Variants in MYH13 observed in about 807,000 individuals in gnomAD.
MYH13 encodes myosin-13.
In MYH13, 177 loss-of-function variants were observed where a neutral mutation model predicts 232.1. The ratio of observed to expected loss-of-function variants is 0.76; its 90% CI spans 0.67 to 0.86. The LOEUF is 0.86. Among genes scored for constraint, MYH13 ranks in the 40% least tolerant of loss-of-function variants. MYH13 has a pLI of 0.00. For missense variants in MYH13, 2,246 were observed against 2,405.9 expected (o/e 0.93, Z 1.39); for synonymous variants, 884 against 923.5 (o/e 0.96, Z 0.78).
rs1043539831 is a variant in MYH13, at chr17:10,309,166, C to T, written c.5169+68G>A. 3.4e-6 allele frequency: 5 copies of T among 1,491,718 alleles called. No individual in the cohort carries two copies. The Admixed American group carries it at 6.0e-5, about 18-fold the overall frequency. The allele number at this position is 1,491,718 out of a possible 1,614,324, so 92.4% of individuals were successfully genotyped here. On this transcript the variant is annotated intron_variant, in intron 35 of 40. Transcript: ENST00000252172. The stretch of plus-strand genomic sequence containing the variant: ...CTGAGTGGAGGGATAGCGGAAGCAG[C>T]TGCACGGTGCAGGAGGCGCTATCTG...
intron 18 of MYH13, among the ~76,000 whole-genome samples, chr17:10,335,811 G>C (rs974929645): frequency 6.6e-6 from 1 of 152,136 alleles, no homozygotes; most frequent in Admixed American, 6.6e-5. Context: ...GGTGAAAGCA[G>C]GCATGATTAA....
rs568052949 is a variant in MYH13, at chr17:10,323,967, G to C, written c.2934+55C>G. On this transcript the variant is annotated intron_variant, in intron 23 of 40. Coordinates refer to ENST00000252172, the MANE Select transcript of MYH13 (RefSeq NM_003802.3). Reference sequence around the variant, plus strand: ...TACGCCACCCTTTCTCCTCCTTACAGAGAGAGAGAGTGAAGCCTGTTAAGA... The same window carrying C: ...TACGCCACCCTTTCTCCTCCTTACACAGAGAGAGAGTGAAGCCTGTTAAGA... 3.2e-6 allele frequency: 5 copies of C among 1,564,512 alleles called. No individual in the cohort carries two copies. In the South Asian group the frequency reaches 4.7e-5, roughly 15 times the overall value.
At chr17:10,320,034 T>C (rs1213832669) in intron 26 of MYH13, 119 bp downstream of exon 26, 5 of 744,430 alleles carry the variant, frequency 6.7e-6, no homozygotes, top group Non-Finnish European at 1.1e-5. Context: ...TGACAGGACA[T>C]CTTCTCTAGC....
At chr17:10,323,288 G>A (rs557030517) in intron 23 of MYH13, among the ~76,000 whole-genome samples, 40 of 152,240 alleles carry the variant, frequency 2.6e-4, no homozygotes, top group South Asian at 8.3e-4. Flanking sequence ...GCCGGTACCC[G>A]CTCCTCTCAG....
At position 10,315,393 on chromosome 17, in the gene MYH13, A is replaced by G. The variant is rs180744640; in HGVS notation, c.3984+300T>C. On this transcript the variant is annotated intron_variant, in intron 29 of 40. Coordinates refer to ENST00000252172, the MANE Select transcript of MYH13 (RefSeq NM_003802.3). Reference sequence around the variant, plus strand: ...CTGCCACCTCCGCCCCCTGGGTTCAAGGAATTGTCTGCCTCAGCCTCCCGA... The same window carrying G: ...CTGCCACCTCCGCCCCCTGGGTTCAGGGAATTGTCTGCCTCAGCCTCCCGA... Among the ~76,000 whole-genome samples the G allele has an allele frequency of 8.3e-3, 1,267 of 152,274 alleles. 14 individuals are homozygous for G. Among genetic ancestry groups the G allele is most frequent in the Non-Finnish European group, 0.012 (800 of 68,024 alleles).
chr17:10,364,443 G>A lies in MYH13; in HGVS notation c.88C>T (p.Arg30Cys), dbSNP rs780968912. 12 of 1,613,086 alleles carry A rather than the reference G, an allele frequency of 7.4e-6. No individual in the cohort carries two copies. The East Asian group carries it at 8.9e-5, about 12-fold the overall frequency. ...CAGGCTTTCTTGGAATCGAATGGACGATTTTGAGCCTCGATTCTCTCCTTC... is the reference window on the plus strand; with the variant it reads ...CAGGCTTTCTTGGAATCGAATGGACAATTTTGAGCCTCGATTCTCTCCTTC... ...PEKERIEAQN[R>C]PFDSKKACFV... The change falls in exon 3 of 41, where the codon CGT becomes TGT. Residue 30 changes from arginine (R) to cysteine (C), a missense_variant. Coordinates refer to ENST00000252172, the MANE Select transcript of MYH13 (RefSeq NM_003802.3).
chr17:10,345,615 A>G lies in MYH13; in HGVS notation c.1265T>C (p.Val422Ala). 6.2e-7 allele frequency: 1 copy of G among 1,614,154 alleles called. No homozygotes were observed. The highest frequency in any genetic ancestry group is 8.5e-7 in the Non-Finnish European group (1 of 1,180,022). ...YVTKGQNVQQ[V>A]TNSVGALAKA... ...GGCCAGAGCACCCACCGAATTGGTC[A>G]CCTTGAAAAAGGATCACCCACTCAA... Residue 422 changes from valine to alanine, a missense_variant and splice_region_variant, in exon 14 of 41, where the codon GTG becomes GCG. Coordinates refer to ENST00000252172, the MANE Select transcript of MYH13 (RefSeq NM_003802.3).
chr17:10,316,037 A>G lies in MYH13; in HGVS notation c.3739-12T>C. 1.2e-6 allele frequency: 2 copies of G among 1,613,968 alleles called. No individual in the cohort carries two copies. Among genetic ancestry groups the G allele is most frequent in the Non-Finnish European group, 1.7e-6 (2 of 1,179,848 alleles). On this transcript the variant is annotated splice_polypyrimidine_tract_variant and intron_variant, in intron 27 of 40. Coordinates refer to ENST00000252172, the MANE Select transcript of MYH13 (RefSeq NM_003802.3). ...CTTTCTATGTTACTCTTTAACAAACAGAAAGTCAACACGAATGGGAAGAAA... is the reference window on the plus strand; with the variant it reads ...CTTTCTATGTTACTCTTTAACAAACGGAAAGTCAACACGAATGGGAAGAAA...
chr17:10,332,138 G>A lies in MYH13; in HGVS notation c.2259C>T (p.Ile753=), dbSNP rs140055235. The change falls in exon 20 of 41, where the codon ATC becomes ATT. Residue 753 remains isoleucine, a synonymous_variant. Transcript: ENST00000252172. ...KNASEKLLNS[I]DVDREQFRFG... Reference sequence around the variant, plus strand: ...ACCTGAACTGCTCCCGGTCCACATCGATGGAGTTGAGGAGCTTCTCTGAGG... The same window carrying A: ...ACCTGAACTGCTCCCGGTCCACATCAATGGAGTTGAGGAGCTTCTCTGAGG... 381 of 1,613,996 alleles carry A rather than the reference G, an allele frequency of 2.4e-4. 2 individuals are homozygous for A. The African/African-American group carries it at 4.6e-3, about 20-fold the overall frequency.
chr17:10,313,019 GA>G, intron 30 of MYH13, 138 bp downstream of exon 30: 1 of 1,365,852 alleles, frequency 7.3e-7, no homozygotes, highest in Non-Finnish European at 1.0e-6. Context: ...GAGACCCCCA[GA>G]GGGTGGGGGG....
intron 11 of MYH13, among the ~76,000 whole-genome samples, chr17:10,351,061 A>C (rs1007363068): frequency 6.6e-6 from 1 of 151,900 alleles, no homozygotes; most frequent in Non-Finnish European, 1.5e-5. Context: ...CTCTACTAAA[A>C]ATACAAAAAA....
chr17:10,301,479 C>T, intron 40 of MYH13, 90 bp downstream of exon 40: 1 of 1,567,296 alleles, frequency 6.4e-7, no homozygotes, highest in East Asian at 2.2e-5. Flanking sequence ...CCTTATCTGG[C>T]CTCCCACACT....
intron 5 of MYH13, among the ~76,000 whole-genome samples, chr17:10,361,582 C>T: frequency 6.6e-6 from 1 of 152,196 alleles, no homozygotes; most frequent in East Asian, 1.9e-4. Flanking sequence ...GTGTGAGCCA[C>T]CGCACCCAGC....
chr17:10,364,933 T>C (rs2071822380), intron 2 of MYH13, among the ~76,000 whole-genome samples: 1 of 152,084 alleles, frequency 6.6e-6, no homozygotes, highest in Admixed American at 6.6e-5. Flanking sequence ...TGGAGTGCAA[T>C]GGCTCGATCT....
At chr17:10,311,888 C>CA in intron 32 of MYH13, 23 bp downstream of exon 32, 1 of 1,613,538 alleles carries the variant, frequency 6.2e-7, no homozygotes, top group Non-Finnish European at 8.5e-7. Flanking sequence ...ACATAGCACA[C>CA]ACCAGTGGTG....
At chr17:10,362,095 T>A in intron 5 of MYH13, 23 bp downstream of exon 5, 1 of 1,613,478 alleles carries the variant, frequency 6.2e-7, no homozygotes, top group Non-Finnish European at 8.5e-7. Flanking sequence ...CTTCAAAAAA[T>A]ATGAATCAAA....
At chr17:10,367,048 A>C (rs1185843128) in intron 2 of MYH13, among the ~76,000 whole-genome samples, 1 of 152,230 alleles carries the variant, frequency 6.6e-6, no homozygotes, top group Non-Finnish European at 1.5e-5. Context: ...AGAGTCTCTC[A>C]GTTACCACCT....
intron 31 of MYH13, among the ~76,000 whole-genome samples, chr17:10,312,304 T>G (rs768111871): frequency 1.3e-5 from 2 of 152,150 alleles, no homozygotes; most frequent in African/African-American, 2.4e-5. Context: ...GGAATTAGCT[T>G]TCACTAAAAA....
chr17:10,301,977 G>A (rs1906111047), intron 39 of MYH13, among the ~76,000 whole-genome samples: 1 of 152,264 alleles, frequency 6.6e-6, no homozygotes, highest in South Asian at 2.1e-4. Flanking sequence ...GCTCCATAGA[G>A]ATCTTCGGGG....
Sources: gnomAD v4.1 joint callset for allele counts (sites outside exome capture counted in the v4.1 genomes callset) on GRCh38, gnomAD v4.1.1 for gene constraint, MANE v1.5 for transcripts, NCBI Gene and HGNC (gene_info 2026-07-23, HGNC 2026-07-21) for gene names.